DDAH1: variants seen among roughly 807,000 people sequenced by gnomAD.
DDAH1 encodes the protein N(G),N(G)-dimethylarginine dimethylaminohydrolase 1.
Under a neutral mutation model 28.8 loss-of-function variants are expected in DDAH1, and 19 were observed. The ratio of observed to expected loss-of-function variants is 0.66; its 90% CI spans 0.46 to 0.97. DDAH1 has a LOEUF of 0.97. Among genes scored for constraint, DDAH1 ranks in the 50% least tolerant of loss-of-function variants. DDAH1 has a pLI of 0.00. For synonymous variants in DDAH1, 153 were observed against 154.4 expected (o/e 0.99, Z 0.07); for missense variants, 326 against 375.9 (o/e 0.87, Z 1.10).
intron 4 of DDAH1, among the ~76,000 whole-genome samples, chr1:85,329,114 G>A (rs1647601208): frequency 6.6e-6 from 1 of 152,234 alleles, no homozygotes; most frequent in South Asian, 2.1e-4. Flanking sequence ...ACTCATGCAT[G>A]TCCGGAGGTG....
chr1:85,457,031 G>T (rs960605818), intron 1 of DDAH1, among the ~76,000 whole-genome samples: 8 of 152,186 alleles, frequency 5.3e-5, no homozygotes, highest in Non-Finnish European at 1.0e-4. Flanking sequence ...GTGGATAAGA[G>T]TAAGAGGGAA....
At chr1:85,552,580 A>G (rs944082107) in intron 1 of DDAH1, among the ~76,000 whole-genome samples, 3 of 152,108 alleles carry the variant, frequency 2.0e-5, no homozygotes, top group Admixed American at 6.5e-5. Context: ...CCTCTGACCC[A>G]TATCATCTTG....
chr1:85,487,163 C>T (rs992428800), intron 2 of DDAH1, among the ~76,000 whole-genome samples: 2 of 152,174 alleles, frequency 1.3e-5, no homozygotes, highest in Admixed American at 6.5e-5. Context: ...AGTTGCTCTC[C>T]TTGTACTTAG....
At chr1:85,342,082 G>GCTAATT (rs1648525633) in intron 4 of DDAH1, among the ~76,000 whole-genome samples, 1 of 152,038 alleles carries the variant, frequency 6.6e-6, no homozygotes, top group South Asian at 2.1e-4. Context: ...TCCTACTGAG[G>GCTAATT]CTAATTCAAC....
Position 85,473,383 on chromosome 1 carries a change from T to C in DDAH1, c.-7+22783A>G, listed in dbSNP as rs555911090. Among the ~76,000 whole-genome samples, 11 of 152,162 alleles carry C rather than the reference T, an allele frequency of 7.2e-5. No homozygotes were observed. In the South Asian group the frequency reaches 2.1e-3, roughly 29 times the overall value. ...TCAATATATATTTATGGGGAAGAAA[T>C]AGTTTGAGGGGAAAGATCTTTCAAA... On this transcript the variant is annotated intron_variant, in intron 2 of 6. Transcript: ENST00000426972.
chr1:85,486,661 G>T (rs1007888828), intron 2 of DDAH1, among the ~76,000 whole-genome samples: 2 of 152,158 alleles, frequency 1.3e-5, no homozygotes, highest in Non-Finnish European at 2.9e-5. Context: ...TGATAGAAAG[G>T]ACAAGCACAT....
intron 1 of DDAH1, among the ~76,000 whole-genome samples, chr1:85,502,583 A>T (rs1384909865): frequency 6.6e-6 from 1 of 152,124 alleles, no homozygotes; most frequent in African/African-American, 2.4e-5. Context: ...TCAGCCTGGT[A>T]AGAGGCTGCT....
chr1:85,348,931 C>A (rs1045726233), intron 4 of DDAH1, among the ~76,000 whole-genome samples: 1 of 152,184 alleles, frequency 6.6e-6, no homozygotes, highest in South Asian at 2.1e-4. Context: ...GAAGTTCTTT[C>A]TGCTAATACA....
At chr1:85,400,560 T>G (rs143880647) in intron 1 of DDAH1, among the ~76,000 whole-genome samples, 1 of 152,294 alleles carries the variant, frequency 6.6e-6, no homozygotes, top group East Asian at 1.9e-4. Context: ...TTCTATAATA[T>G]TGAATTAACT....
chr1:85,489,675 G>A (rs1401572387), intron 2 of DDAH1, among the ~76,000 whole-genome samples: 1 of 151,864 alleles, frequency 6.6e-6, no homozygotes, highest in African/African-American at 2.4e-5. Context: ...GGGAAAAGAT[G>A]GACATTGAAG....
At chr1:85,509,364 T>G (rs1255690260) in intron 1 of DDAH1, among the ~76,000 whole-genome samples, 1 of 152,084 alleles carries the variant, frequency 6.6e-6, no homozygotes, top group Non-Finnish European at 1.5e-5. Flanking sequence ...ACACCAAAGG[T>G]AGATAAAACC....
In DDAH1 at chr1:85,559,157, T is replaced by C. The variant is rs148271936; in HGVS notation, c.-123+18827A>G. 3.6e-4 allele frequency among the ~76,000 whole-genome samples: 55 copies of C among 152,246 alleles called. No individual in the cohort carries two copies. In the East Asian group the frequency reaches 9.6e-3, roughly 27 times the overall value. ...TTCACAGTGAAGTCATCTCTGACCA[T>C]TGCTTTTGAAATTGCACACCTGACT... On this transcript the variant is annotated intron_variant, in intron 1 of 6. Coordinates refer to the DDAH1 transcript ENST00000426972.
rs1360674221 is a variant in DDAH1 at position 85,464,595 on chromosome 1, C to T, written c.303+148G>A. 20 of 1,367,436 alleles carry T rather than the reference C, an allele frequency of 1.5e-5. No homozygotes were observed. In the East Asian group the frequency reaches 5.1e-4, roughly 35 times the overall value. 84.7% of individuals were successfully genotyped at this position (1,367,436 alleles called of 1,614,324 possible). On this transcript the variant is annotated intron_variant, in intron 1 of 5. Coordinates refer to ENST00000284031, the MANE Select transcript of DDAH1 (RefSeq NM_012137.4). The surrounding 1 kb of genome is among the most constrained non-coding windows in gnomAD (Gnocchi z 4.4). The stretch of plus-strand genomic sequence containing the variant: ...AACTTCTCTCTGACTCTCTGACACA[C>T]ACACACACACACACACTCGCCCCCC...
At chr1:85,524,459 G>A (rs1345430314) in intron 1 of DDAH1, among the ~76,000 whole-genome samples, 3 of 151,036 alleles carry the variant, frequency 2.0e-5, no homozygotes, top group Non-Finnish European at 4.4e-5. Context: ...AAAGATGTTT[G>A]GTATAAGCCT....
intron 1 of DDAH1, among the ~76,000 whole-genome samples, chr1:85,529,220 T>C (rs1440527163): frequency 6.6e-6 from 1 of 152,064 alleles, no homozygotes; most frequent in East Asian, 1.9e-4. Context: ...AATTCAGAGG[T>C]CCTTCACTCA....
chr1:85,381,242 A>AG (rs1650970459), intron 1 of DDAH1, among the ~76,000 whole-genome samples: 1 of 151,684 alleles, frequency 6.6e-6, no homozygotes, highest in Admixed American at 6.6e-5. Flanking sequence ...AAAAAAAAAA[A>AG]AGATATATTC....
At chr1:85,574,925 G>A (rs530025951) in intron 1 of DDAH1, among the ~76,000 whole-genome samples, 3 of 152,028 alleles carry the variant, frequency 2.0e-5, no homozygotes, top group Non-Finnish European at 2.9e-5. Context: ...TTATAACATA[G>A]TTGGGGAGAA....
intron 1 of DDAH1, among the ~76,000 whole-genome samples, chr1:85,546,668 T>A (rs974320835): frequency 2.0e-5 from 3 of 152,078 alleles, no homozygotes; most frequent in Non-Finnish European, 2.9e-5. Flanking sequence ...CTAAATATGA[T>A]ATTAAACTGG....
At chr1:85,548,989 A>G (rs1294551925) in intron 1 of DDAH1, among the ~76,000 whole-genome samples, 1 of 152,174 alleles carries the variant, frequency 6.6e-6, no homozygotes, top group Non-Finnish European at 1.5e-5. Context: ...TTCTACATAA[A>G]TATTTTAAAT....
Sources: gnomAD v4.1 joint callset for allele counts (sites outside exome capture counted in the v4.1 genomes callset) on GRCh38, gnomAD v4.1.1 for gene constraint, Gnocchi (gnomAD v3.1) non-coding constraint, MANE v1.5 for transcripts, NCBI Gene and HGNC (gene_info 2026-07-23, HGNC 2026-07-21) for gene names.